Variants in GMDS observed in about 807,000 individuals in gnomAD.
GMDS encodes GDP-mannose 4,6-dehydratase, also known as GDP-mannose 4,6 dehydratase.
GMDS carries 20 observed loss-of-function variants against 49.9 expected under a neutral mutation model. The observed-to-expected ratio is 0.40, with a 90% CI of 0.28 to 0.58. GMDS has a LOEUF of 0.58. GMDS is among the 20% of genes least tolerant of loss of function. GMDS has a pLI of 0.42. For synonymous variants in GMDS, 177 were observed against 178.6 expected, an observed-to-expected ratio of 0.99 and a Z score of 0.07; for missense variants, 362 against 481.4, an observed-to-expected ratio of 0.75 and a Z score of 2.32.
intron 7 of GMDS, among the ~76,000 whole-genome samples, chr6:1,896,153 T>C (rs1338428413): frequency 6.6e-6 from 1 of 152,202 alleles, no homozygotes; most frequent in Non-Finnish European, 1.5e-5. Flanking sequence ...AACTTGGCAC[T>C]ACTGGCCTTT....
chr6:1,737,891 CCA>C (rs1215502973), intron 8 of GMDS, among the ~76,000 whole-genome samples: 2 of 140,612 alleles, frequency 1.4e-5, no homozygotes, highest in African/African-American at 2.6e-5. Context: ...ACACGCAACC[CCA>C]CACACATACA....
At chr6:1,941,296 G>T (rs1004490176) in intron 6 of GMDS, among the ~76,000 whole-genome samples, 2 of 152,022 alleles carry the variant, frequency 1.3e-5, no homozygotes, top group East Asian at 3.9e-4. Flanking sequence ...CCTGAGGCCA[G>T]CTGAGACCAC....
At chr6:1,873,353 T>A (rs1372403590) in intron 7 of GMDS, among the ~76,000 whole-genome samples, 1 of 152,180 alleles carries the variant, frequency 6.6e-6, no homozygotes, top group East Asian at 1.9e-4. Flanking sequence ...CACATCCACA[T>A]CCTTAATTCC....
chr6:2,134,929 G>GT (rs1297434043), intron 1 of GMDS, among the ~76,000 whole-genome samples: 2 of 152,218 alleles, frequency 1.3e-5, no homozygotes, highest in East Asian at 3.9e-4. Context: ...CTCTTTAGAT[G>GT]TTTTTTCCCA....
At chr6:2,213,367 A>T (rs1780161813) in intron 1 of GMDS, among the ~76,000 whole-genome samples, 1 of 152,216 alleles carries the variant, frequency 6.6e-6, no homozygotes. Flanking sequence ...TAGGCCCATT[A>T]AGCTCTTTGG....
At chr6:1,918,198 C>A (rs934460315) in intron 7 of GMDS, among the ~76,000 whole-genome samples, 2 of 151,910 alleles carry the variant, frequency 1.3e-5, no homozygotes, top group Non-Finnish European at 2.9e-5. Flanking sequence ...AATAATAGAG[C>A]CCTCCTTGGA....
At chr6:1,875,210 A>C (rs1164891703) in intron 7 of GMDS, among the ~76,000 whole-genome samples, 1 of 152,178 alleles carries the variant, frequency 6.6e-6, no homozygotes, top group Non-Finnish European at 1.5e-5. Context: ...AGAGAACCTC[A>C]ATTTTGATGT....
rs77133117 is a variant in GMDS, at chr6:2,031,130, C to A, written c.346-70164G>T. On this transcript the variant is annotated intron_variant, in intron 4 of 10. Coordinates refer to ENST00000380815, the MANE Select transcript of GMDS (RefSeq NM_001500.4). ...GCATACAGAAATCGCCCTGTTAACA[C>A]GCACATCCTGATGCAGTAGTTCTGG... 4.8e-3 allele frequency among the ~76,000 whole-genome samples: 731 copies of A among 152,280 alleles called. 4 individuals are homozygous for A. Among genetic ancestry groups the A allele is most frequent in the African/African-American group, 0.016 (679 of 41,556 alleles).
At chr6:1,821,781 A>AG (rs1003398059) in intron 7 of GMDS, among the ~76,000 whole-genome samples, 1 of 152,080 alleles carries the variant, frequency 6.6e-6, no homozygotes, top group African/African-American at 2.4e-5. Context: ...AAGAAGACCT[A>AG]GTTTTTTCCC....
intron 1 of GMDS, among the ~76,000 whole-genome samples, chr6:2,229,222 C>T (rs545453370): frequency 5.1e-4 from 78 of 152,198 alleles, no homozygotes; most frequent in African/African-American, 1.8e-3. Flanking sequence ...AAGATCATTA[C>T]GCAAGGCACT....
At chr6:1,650,981 A>G (rs1170355020) in intron 9 of GMDS, among the ~76,000 whole-genome samples, 1 of 152,232 alleles carries the variant, frequency 6.6e-6, no homozygotes, top group African/African-American at 2.4e-5. Context: ...TGAAACAGAA[A>G]AGTACTCGGC....
chr6:1,982,616 C>G (rs976668178), intron 4 of GMDS, among the ~76,000 whole-genome samples: 32 of 152,046 alleles, frequency 2.1e-4, no homozygotes, highest in Non-Finnish European at 3.8e-4. Flanking sequence ...TGAATGAACT[C>G]CCATTCACAA....
Position 1,624,827 on chromosome 6 carries a change from CTTTTTTTT to C in GMDS, c.988-295_988-288del, listed in dbSNP as rs551321002. The C allele has an allele frequency of 3.1e-4, 26 of 83,300 alleles. 2 individuals carry two copies. Among genetic ancestry groups the C allele is most frequent in the South Asian group, 1.5e-3 (3 of 2,068 alleles). The allele number at this position is 83,300 out of a possible 1,614,324, so 5.2% of individuals were successfully genotyped here. ...CAAGGCGTCCCTTGGGCTCTTAATGCTTTTTTTTTTTTTTTTTTTTTTTTTTTATAACA... is the reference window on the plus strand; with the variant it reads ...CAAGGCGTCCCTTGGGCTCTTAATGCTTTTTTTTTTTTTTTTTTTATAACA... On this transcript the variant is annotated intron_variant, in intron 9 of 10. Transcript: ENST00000380815.
chr6:1,999,984 T>TATATATATATTATATATATAAA (rs1561961770), intron 4 of GMDS, among the ~76,000 whole-genome samples: 10 of 11,088 alleles, frequency 9.0e-4, no homozygotes, highest in African/African-American at 3.0e-3. Context: ...ATATATATTT[T>TATATATATATTATATATATAAA]ATATATATAT....
intron 7 of GMDS, among the ~76,000 whole-genome samples, chr6:1,811,130 ATTACT>A (rs1274696053): frequency 2.0e-5 from 3 of 152,158 alleles, no homozygotes; most frequent in African/African-American, 7.2e-5. Context: ...TGGTTTTCTG[ATTACT>A]TCACTGACCA....
chr6:2,005,647 C>T (rs1325206765), intron 4 of GMDS, among the ~76,000 whole-genome samples: 1 of 152,108 alleles, frequency 6.6e-6, no homozygotes, highest in Non-Finnish European at 1.5e-5. Flanking sequence ...TACAACCTAC[C>T]CATTTGTCTT....
chr6:2,211,764 G>T (rs1312836091), intron 1 of GMDS, among the ~76,000 whole-genome samples: 3 of 152,178 alleles, frequency 2.0e-5, no homozygotes, highest in African/African-American at 7.2e-5. Flanking sequence ...AGACATTAGT[G>T]AGAATGAGCC....
intron 7 of GMDS, among the ~76,000 whole-genome samples, chr6:1,915,511 CCCA>C (rs1225383292): frequency 6.6e-6 from 1 of 152,208 alleles, no homozygotes; most frequent in Non-Finnish European, 1.5e-5. Context: ...TGGGGCCCTG[CCCA>C]AGGCCGAGAA....
At chr6:1,932,682 T>C (rs1165588064) in intron 6 of GMDS, among the ~76,000 whole-genome samples, 1 of 151,606 alleles carries the variant, frequency 6.6e-6, no homozygotes, top group East Asian at 1.9e-4. Flanking sequence ...GGACTACAGG[T>C]GCCCGTCACC....
Sources: gnomAD v4.1 joint callset for allele counts (sites outside exome capture counted in the v4.1 genomes callset) on GRCh38, gnomAD v4.1.1 for gene constraint, MANE v1.5 for transcripts, NCBI Gene and HGNC (gene_info 2026-07-23, HGNC 2026-07-21) for gene names.